The following CAPS2 variants were observed in gnomAD, a reference collection of about 807,000 sequenced individuals.
CAPS2 encodes calcyphosine 2.
Under a neutral mutation model 86.5 loss-of-function variants are expected in CAPS2, and 98 were observed. The observed-to-expected ratio is 1.13, with a 90% confidence interval of 0.96 to 1.34. CAPS2 has a LOEUF of 1.34. Among genes scored for constraint, CAPS2 ranks in the 40% most tolerant of loss-of-function variants. The pLI is 0.00. For synonymous variants in CAPS2, 210 were observed against 225.1 expected (o/e 0.93, Z 0.60); for missense variants, 729 against 686.8 (o/e 1.06, Z -0.69).
chr12:75,289,138 T>A (rs2035408048), intron 14 of CAPS2, among the ~76,000 whole-genome samples: 1 of 152,154 alleles, frequency 6.6e-6, no homozygotes, highest in African/African-American at 2.4e-5. Flanking sequence ...TGTGTCTCCT[T>A]CTCATAAAAT....
chr12:75,371,037 A>T (rs778791086), intron 1 of CAPS2: 1 of 152,210 alleles, frequency 6.6e-6, no homozygotes, highest in Non-Finnish European at 1.5e-5. Context: ...ACTAGGTTAT[A>T]TGCATGTATA....
chr12:75,359,487 C>G (rs1398160801), intron 1 of CAPS2, among the ~76,000 whole-genome samples: 2 of 144,550 alleles, frequency 1.4e-5, no homozygotes, highest in Non-Finnish European at 3.0e-5. Context: ...TGTGGAAGTG[C>G]AAAAATTTTG....
intron 11 of CAPS2, among the ~76,000 whole-genome samples, chr12:75,295,506 A>G (rs946412373): frequency 1.3e-5 from 2 of 152,246 alleles, no homozygotes; most frequent in African/African-American, 4.8e-5. Flanking sequence ...CAATACAAAA[A>G]TAGAGATATT....
intron 1 of CAPS2, among the ~76,000 whole-genome samples, chr12:75,388,226 C>T (rs1027479437): frequency 6.6e-6 from 1 of 152,142 alleles, no homozygotes; most frequent in Non-Finnish European, 1.5e-5. Context: ...GTAAGATGTC[C>T]CTTTGCTCCT....
chr12:75,337,196 G>A (rs1432802218), intron 1 of CAPS2, among the ~76,000 whole-genome samples: 1 of 151,714 alleles, frequency 6.6e-6, no homozygotes, highest in African/African-American at 2.4e-5. Context: ...ACTCAAGAAG[G>A]TAGGAAACAA....
chr12:75,305,956 G>A, intron 7 of CAPS2: 1 of 1,222,264 alleles, frequency 8.2e-7, no homozygotes, highest in Non-Finnish European at 1.2e-6. Flanking sequence ...CGAGGAGCAT[G>A]GACAGGGTGG....
At chr12:75,278,819 G>T in exon 17 of CAPS2, 1 of 1,353,854 alleles carries the variant, frequency 7.4e-7, no homozygotes, top group East Asian at 2.7e-5. Context: ...TCCAGTGTTT[G>T]ATCATCCTTT....
intron 6 of CAPS2, among the ~76,000 whole-genome samples, chr12:75,315,427 G>A (rs2039656279): frequency 6.6e-6 from 1 of 152,094 alleles, no homozygotes; most frequent in African/African-American, 2.4e-5. Context: ...AAAATAATGT[G>A]CATGTGGTTT....
At chr12:75,342,999 A>G (rs2042218650) in intron 1 of CAPS2, among the ~76,000 whole-genome samples, 1 of 151,926 alleles carries the variant, frequency 6.6e-6, no homozygotes, top group African/African-American at 2.4e-5. Context: ...CAACTTTGAT[A>G]ACTTCATTTA....
chr12:75,293,288 C>A (rs373505414), exon 12 of CAPS2: 2 of 1,610,982 alleles, frequency 1.2e-6, no homozygotes, highest in African/African-American at 2.7e-5. Flanking sequence ...ATTTGTGATT[C>A]GGAGTTTAAG....
At chr12:75,382,476 C>T (rs984959843) in intron 1 of CAPS2, among the ~76,000 whole-genome samples, 6 of 152,126 alleles carry the variant, frequency 3.9e-5, no homozygotes, top group Middle Eastern at 3.4e-3. Context: ...CCCATCTCTA[C>T]TAAAAATACA....
At chr12:75,297,536 T>A (rs2037112882) in intron 11 of CAPS2, among the ~76,000 whole-genome samples, 1 of 152,206 alleles carries the variant, frequency 6.6e-6, no homozygotes, top group South Asian at 2.1e-4. Context: ...TGCCCTTGTG[T>A]ATCTAGTCTT....
At chr12:75,290,251 C>T (rs1282370473) in intron 13 of CAPS2, among the ~76,000 whole-genome samples, 1 of 152,150 alleles carries the variant, frequency 6.6e-6, no homozygotes, top group Non-Finnish European at 1.5e-5. Context: ...CAAATTGTAA[C>T]TTCTATACAA....
intron 1 of CAPS2, chr12:75,370,420 T>C (rs2044286197): frequency 6.6e-6 from 2 of 301,194 alleles, no homozygotes; most frequent in Admixed American, 4.6e-5. Flanking sequence ...TGTTCCACTC[T>C]TTAATTTTCT....
At chr12:75,315,363 CT>C (rs2039648579) in intron 6 of CAPS2, among the ~76,000 whole-genome samples, 1 of 151,916 alleles carries the variant, frequency 6.6e-6, no homozygotes, top group South Asian at 2.1e-4. Context: ...TAGGATAATC[CT>C]GATAATATTC....
intron 14 of CAPS2, among the ~76,000 whole-genome samples, chr12:75,287,038 G>A (rs1686838386): frequency 6.6e-6 from 1 of 150,854 alleles, no homozygotes; most frequent in Admixed American, 6.6e-5. Context: ...TATTACTTGT[G>A]TGTGATTTTA....
intron 14 of CAPS2, among the ~76,000 whole-genome samples, chr12:75,287,091 T>C (rs1361411619): frequency 1.3e-5 from 2 of 150,128 alleles, no homozygotes; most frequent in African/African-American, 4.9e-5. Context: ...AACACACACA[T>C]ATATATACAT....
At chr12:75,294,048 T>C (rs1340421681) in intron 11 of CAPS2, among the ~76,000 whole-genome samples, 1 of 152,182 alleles carries the variant, frequency 6.6e-6, no homozygotes, top group African/African-American at 2.4e-5. Flanking sequence ...TTCTCCTGCC[T>C]CAGTCTCCGA....
At chr12:75,302,759 G>T (rs1188521737) in intron 8 of CAPS2, among the ~76,000 whole-genome samples, 1 of 152,146 alleles carries the variant, frequency 6.6e-6, no homozygotes, top group Non-Finnish European at 1.5e-5. Context: ...TATCAAAATG[G>T]CCTATATACA....
Sources: allele counts gnomAD v4.1 joint callset (sites outside exome capture counted in the v4.1 genomes callset), GRCh38; gene constraint gnomAD v4.1.1; transcripts MANE v1.5; gene names NCBI Gene and HGNC (gene_info 2026-07-23, HGNC 2026-07-21).